The following NCBP1 variants were observed in gnomAD, a reference collection of about 807,000 sequenced individuals.
NCBP1 encodes nuclear cap-binding protein subunit 1.
Under a neutral mutation model 111.7 loss-of-function variants are expected in NCBP1, and 16 were observed. That is an observed-to-expected ratio of 0.14 (90% confidence interval 0.10 to 0.22). The LOEUF (loss-of-function observed/expected upper bound fraction) is 0.22. Among genes scored for constraint, NCBP1 ranks in the 10% least tolerant of loss-of-function variants. The pLI, the probability that NCBP1 is intolerant of heterozygous loss-of-function variation, is 1.00. For synonymous variants in NCBP1, 304 were observed against 314.3 expected, an observed-to-expected ratio of 0.97 and a Z score of 0.35; for missense variants, 607 against 957.5, an observed-to-expected ratio of 0.63 and a Z score of 4.83.
chr9:97,654,773 C>A, intron 11 of NCBP1, 107 bp from the exon 12 acceptor site: 2 of 951,046 alleles, frequency 2.1e-6, no homozygotes, highest in Non-Finnish European at 1.6e-6. Flanking sequence ...AGATGTTCAG[C>A]ATTATTAATC....
chr9:97,669,057 G>A, intron 21 of NCBP1, 83 bp downstream of exon 21: 2 of 1,398,954 alleles, frequency 1.4e-6, no homozygotes, highest in South Asian at 2.8e-5. Flanking sequence ...ATTTTTCATT[G>A]TAAAAGGAAT....
At chr9:97,663,116 C>A in intron 18 of NCBP1, 69 bp downstream of exon 18, 1 of 1,200,772 alleles carries the variant, frequency 8.3e-7, no homozygotes, top group Non-Finnish European at 1.2e-6. Flanking sequence ...CCGTTAATTG[C>A]CATTGTTTTG....
intron 1 of NCBP1, among the ~76,000 whole-genome samples, chr9:97,635,491 A>G (rs1282364460): frequency 1.3e-5 from 2 of 149,040 alleles, no homozygotes; most frequent in African/African-American, 5.1e-5. Context: ...GCTTACTGCA[A>G]CCTCCGCCTC....
chr9:97,670,359 G>C (rs1199262818), intron 22 of NCBP1, among the ~76,000 whole-genome samples: 1 of 152,190 alleles, frequency 6.6e-6, no homozygotes, highest in Non-Finnish European at 1.5e-5. Flanking sequence ...ACTGTCCACA[G>C]AATCAAGGTA....
chr9:97,669,818 C>T (rs1388985333), intron 22 of NCBP1, 112 bp downstream of exon 22: 2 of 757,546 alleles, frequency 2.6e-6, no homozygotes, highest in East Asian at 2.7e-5. Flanking sequence ...CTGTTAGACC[C>T]TTTAGTTCAT....
intron 7 of NCBP1, 71 bp from the exon 8 acceptor site, chr9:97,647,937 G>T: frequency 1.6e-6 from 2 of 1,237,852 alleles, no homozygotes; most frequent in Non-Finnish European, 2.3e-6. Flanking sequence ...ATTTTAAAGG[G>T]TAGTGATTTT....
At position 97,651,335 on chromosome 9, in the gene NCBP1, G is replaced by A; in HGVS notation, c.1021G>A (p.Gly341Arg). Residue 341 changes from glycine (G) to arginine (R), a missense_variant, in exon 10 of 23, where the codon GGG becomes AGG. Around this residue, in one of 9 missense-constraint regions of NCBP1, gnomAD observed 53 missense variants for 144.8 expected, o/e 0.37. Transcript: ENST00000375147. ...TCAAQLVSYP[G>R]KNKIPLNYHI... The stretch of plus-strand genomic sequence containing the variant: ...TGCTGCACAGTTAGTGAGCTATCCA[G>A]GGAAGAACAAGATCCCCTTGAACTA... 1 of 1,613,306 alleles carries A rather than the reference G, an allele frequency of 6.2e-7. No individual in the cohort carries two copies.
At chr9:97,670,125 G>A in intron 22 of NCBP1, 1 of 302,742 alleles carries the variant, frequency 3.3e-6, no homozygotes, top group Non-Finnish European at 6.5e-6. Flanking sequence ...GTTTCACCAT[G>A]TTGGCCAGGC....
At chr9:97,663,630 G>A (rs922536414) in intron 18 of NCBP1, among the ~76,000 whole-genome samples, 5 of 151,688 alleles carry the variant, frequency 3.3e-5, no homozygotes, top group African/African-American at 1.2e-4. Flanking sequence ...GATTACAGGC[G>A]TCCACCACCA....
At chr9:97,663,770 G>C (rs1406872064) in intron 18 of NCBP1, among the ~76,000 whole-genome samples, 1 of 151,924 alleles carries the variant, frequency 6.6e-6, no homozygotes, top group Non-Finnish European at 1.5e-5. Flanking sequence ...ACAGGTGTGA[G>C]CCACCGCGCC....
intron 5 of NCBP1, 137 bp downstream of exon 5, chr9:97,645,361 T>G (rs1827306303): frequency 1.3e-6 from 1 of 767,454 alleles, no homozygotes; most frequent in African/African-American, 1.8e-5. Flanking sequence ...ACTATCACAC[T>G]TTAAGTTCTT....
At chr9:97,651,275 G>A (rs751063831) in intron 9 of NCBP1, 35 bp from the exon 10 acceptor site, 17 of 1,558,482 alleles carry the variant, frequency 1.1e-5, no homozygotes, top group Admixed American at 3.6e-5. Context: ...TTGTGTCTTC[G>A]TATACTTATT....
At chr9:97,641,478 A>G in intron 2 of NCBP1, 84 bp from the exon 3 acceptor site, 1 of 1,024,404 alleles carries the variant, frequency 9.8e-7, no homozygotes, top group Non-Finnish European at 1.3e-6. Context: ...TAAAATATGT[A>G]TATATTTACA....
At chr9:97,662,252 T>G in intron 17 of NCBP1, 108 bp downstream of exon 17, 1 of 782,646 alleles carries the variant, frequency 1.3e-6, no homozygotes, top group East Asian at 2.7e-5. Context: ...ATCTTAATAG[T>G]GTATAATTGG....
At chr9:97,635,820 T>G (rs1347237423) in intron 1 of NCBP1, 1 of 152,216 alleles carries the variant, frequency 6.6e-6, no homozygotes, top group Non-Finnish European at 1.5e-5. Flanking sequence ...CTTTTGTTCT[T>G]TTCTTTGTTG....
intron 11 of NCBP1, among the ~76,000 whole-genome samples, chr9:97,654,205 T>C (rs1564023527): frequency 6.6e-6 from 1 of 152,208 alleles, no homozygotes; most frequent in Non-Finnish European, 1.5e-5. Flanking sequence ...TGATGCTTGC[T>C]GTTTGATACA....
intron 14 of NCBP1, among the ~76,000 whole-genome samples, chr9:97,657,885 G>GCTCTCTCTCTCT (rs3052096): frequency 9.7e-4 from 111 of 113,952 alleles, no homozygotes; most frequent in African/African-American, 3.7e-3. Flanking sequence ...GCCCCGGTAA[G>GCTCTCTCTCTCT]CTCTCTCTCT....
chr9:97,663,113 T>C, intron 18 of NCBP1, 66 bp downstream of exon 18: 1 of 1,215,390 alleles, frequency 8.2e-7, no homozygotes, highest in Non-Finnish European at 1.2e-6. Context: ...AGGCCGTTAA[T>C]TGCCATTGTT....
At position 97,671,146 on chromosome 9, in the gene NCBP1, T is replaced by C. The variant is rs755441497; in HGVS notation, c.2320T>C (p.Leu774=). 38 of 1,613,780 alleles carry C rather than the reference T, an allele frequency of 2.4e-5. No individual in the cohort carries two copies. Among genetic ancestry groups the C allele is most frequent in the Non-Finnish European group, 2.7e-5 (32 of 1,179,746 alleles). The change falls in exon 23 of 23, where the codon TTA becomes CTA. Residue 774 remains leucine (L), a synonymous_variant. Coordinates refer to ENST00000375147, the MANE Select transcript of NCBP1 (RefSeq NM_002486.5). The stretch of plus-strand genomic sequence containing the variant: ...GGAGAACCTTCTCTTCACTGCTGAA[T>C]TAGACCCTCATATCTTGGCCGTGTT... ...TLENLLFTAE[L]DPHILAVFQQ...
Sources: allele counts gnomAD v4.1 joint callset (sites outside exome capture counted in the v4.1 genomes callset), GRCh38; gene constraint gnomAD v4.1.1; regional missense constraint gnomAD v4.1.1; transcripts MANE v1.5; gene names NCBI Gene and HGNC (gene_info 2026-07-23, HGNC 2026-07-21).